The following INTS3 variants were observed in gnomAD, a reference collection of about 807,000 sequenced individuals.
INTS3 encodes the protein SOSS complex subunit A.
In INTS3, 34 loss-of-function variants were observed where a neutral mutation model predicts 146.3. The observed-to-expected ratio is 0.23, with a 90% CI of 0.18 to 0.31. The LOEUF (loss-of-function observed/expected upper bound fraction) is 0.31, where lower values mean the gene tolerates loss of function less well. Ranked by LOEUF, INTS3 falls within the 10% of genes least tolerant of loss-of-function variation. INTS3 has a pLI of 1.00. For missense variants in INTS3, 757 were observed against 1,304.2 expected, an observed-to-expected ratio of 0.58 and a Z score of 6.46; for synonymous variants, 475 against 494.9, an observed-to-expected ratio of 0.96 and a Z score of 0.53.
chr1:153,743,033 A>C (rs1671597702), intron 3 of INTS3, among the ~76,000 whole-genome samples: 1 of 152,226 alleles, frequency 6.6e-6, no homozygotes, highest in Admixed American at 6.5e-5. Flanking sequence ...TAGGCGGGTG[A>C]GGAACTATCA....
At chr1:153,729,596 G>C (rs1255091093) in intron 1 of INTS3, among the ~76,000 whole-genome samples, 1 of 152,130 alleles carries the variant, frequency 6.6e-6, no homozygotes, top group African/African-American at 2.4e-5. Flanking sequence ...GGCTGGGTGC[G>C]GTGGCTCACG....
intron 10 of INTS3, among the ~76,000 whole-genome samples, chr1:153,758,414 C>T (rs1044627461): frequency 1.5e-4 from 23 of 152,190 alleles, no homozygotes; most frequent in African/African-American, 4.3e-4. Context: ...CCAAGGGGTG[C>T]TAGTCTGACT....
At chr1:153,750,168 G>A (rs902214104) in intron 6 of INTS3, among the ~76,000 whole-genome samples, 9 of 152,232 alleles carry the variant, frequency 5.9e-5, no homozygotes, top group Admixed American at 4.6e-4. Flanking sequence ...CCGGAATCAG[G>A]ATGTGGCCTG....
At chr1:153,751,356 G>A in intron 7 of INTS3, 117 bp downstream of exon 7, 1 of 1,021,186 alleles carries the variant, frequency 9.8e-7, no homozygotes. Context: ...ATCAAGATCT[G>A]GTGTTTTCCA....
intron 13 of INTS3, 134 bp downstream of exon 13, chr1:153,761,052 T>C: frequency 6.8e-7 from 1 of 1,472,956 alleles, no homozygotes; most frequent in South Asian, 1.4e-5. Context: ...CTCAGACTGC[T>C]GGGCATATGT....
chr1:153,747,587 G>A (rs900651663), intron 5 of INTS3: 14 of 582,488 alleles, frequency 2.4e-5, no homozygotes, highest in Non-Finnish European at 3.7e-5. Flanking sequence ...TTTCTTTCCT[G>A]CTAAACCCAG....
Position 153,773,363 on chromosome 1 carries a change from A to G in INTS3, c.*93A>G. The stretch of plus-strand genomic sequence containing the variant: ...AGAGGCTGAGGAGATTGCAGGGGAA[A>G]CACCCTTGCTGCATCCCCAAGCTCC... On this transcript the variant is annotated 3_prime_UTR_variant, in exon 30 of 30. Coordinates refer to ENST00000318967, the MANE Select transcript of INTS3 (RefSeq NM_023015.5). 1.6e-6 allele frequency: 2 copies of G among 1,214,418 alleles called. No individual in the cohort carries two copies. The highest frequency in any genetic ancestry group is 2.4e-6 in the Non-Finnish European group (2 of 819,332). The allele number at this position is 1,214,418 out of a possible 1,614,324, so 75.2% of individuals were successfully genotyped here.
intron 12 of INTS3, 164 bp from the exon 13 acceptor site, chr1:153,760,663 T>G (rs1672350709): frequency 1.5e-6 from 1 of 660,892 alleles, no homozygotes; most frequent in South Asian, 1.9e-5. Flanking sequence ...CCAGTAAGAA[T>G]TTCTCATTTG....
In INTS3 at chr1:153,764,187, C is replaced by T; in HGVS notation, c.1891C>T (p.Arg631Ter). Residue 631 changes from arginine to a stop codon, truncating the protein, a stop_gained, in exon 18 of 30, where the codon CGA becomes TGA. Transcript: ENST00000318967. LOFTEE classifies it high-confidence loss of function. ...CLQELFKAHF[R>*]GEVLPEEITE... ...ACAGGAGCTCTTCAAGGCCCACTTTCGAGGGGAGGTCCTGCCTGAGGAGAT... is the reference window on the plus strand; with the variant it reads ...ACAGGAGCTCTTCAAGGCCCACTTTTGAGGGGAGGTCCTGCCTGAGGAGAT... 3 of 1,613,896 alleles carry T rather than the reference C, an allele frequency of 1.9e-6. No homozygotes were observed. Among genetic ancestry groups the T allele is most frequent in the Non-Finnish European group, 2.5e-6 (3 of 1,179,844 alleles).
intron 3 of INTS3, among the ~76,000 whole-genome samples, chr1:153,743,885 G>A (rs1671629684): frequency 6.6e-6 from 1 of 151,900 alleles, no homozygotes. Flanking sequence ...CTCCCAGCAG[G>A]CAGCTCTAGA....
rs762041687 is a variant in INTS3, at chr1:153,728,381, C to A, written c.-254C>A. On this transcript the variant is annotated 5_prime_UTR_variant, in exon 1 of 30. Transcript: ENST00000318967. Reference sequence around the variant, plus strand: ...CCCATAGGGACACAGGCCTTTACCCCACTGTACTTCGGAGCCAACGCCTTT... The same window carrying A: ...CCCATAGGGACACAGGCCTTTACCCAACTGTACTTCGGAGCCAACGCCTTT... 2.1e-6 allele frequency: 1 copy of A among 484,730 alleles called. No individual in the cohort carries two copies. The highest frequency in any genetic ancestry group is 3.9e-5 in the Admixed American group (1 of 25,578). 30.0% of individuals were successfully genotyped at this position (484,730 alleles called of 1,614,324 possible). A position where few individuals can be genotyped will look rare whatever the true frequency, so the allele number is the denominator to read the frequency against.
intron 6 of INTS3, chr1:153,750,885 G>A (rs2101802640): frequency 2.1e-6 from 1 of 466,976 alleles, no homozygotes; most frequent in East Asian, 3.3e-5. Flanking sequence ...GCACTTGGAA[G>A]AGAAAATTAG....
At chr1:153,763,177 GTC>G (rs1476042931) in intron 15 of INTS3, 54 bp from the exon 16 acceptor site, 17 of 1,611,150 alleles carry the variant, frequency 1.1e-5, no homozygotes, top group African/African-American at 4.0e-5. Flanking sequence ...TGAGGGGACT[GTC>G]TCTGTTGCTG....
At chr1:153,762,996 C>A in intron 15 of INTS3, 149 bp downstream of exon 15, 1 of 1,158,438 alleles carries the variant, frequency 8.6e-7, no homozygotes, top group Non-Finnish European at 1.2e-6. Context: ...CTCCAGAATG[C>A]AGAGCCCTGT....
rs1672482549 is a variant in INTS3 at position 153,763,950 on chromosome 1, A to G, written c.1821+64A>G. On this transcript the variant is annotated intron_variant, in intron 17 of 29. Coordinates refer to ENST00000318967, the MANE Select transcript of INTS3 (RefSeq NM_023015.5). Reference sequence around the variant, plus strand: ...AGCCTGCTTAGCTTACACGTCTCCCAGGGAAGACAACTCACTTTTTCCCTC... The same window carrying G: ...AGCCTGCTTAGCTTACACGTCTCCCGGGGAAGACAACTCACTTTTTCCCTC... 5 of 1,497,878 alleles carry G rather than the reference A, an allele frequency of 3.3e-6. No individual in the cohort carries two copies. In the South Asian group the frequency reaches 5.7e-5, roughly 17 times the overall value. 92.8% of individuals were successfully genotyped at this position (1,497,878 alleles called of 1,614,324 possible). A position where few individuals can be genotyped will look rare whatever the true frequency, so the allele number is the denominator to read the frequency against.
At position 153,757,651 on chromosome 1, in the gene INTS3, G is replaced by A. The variant is rs1558001898; in HGVS notation, c.1037G>A (p.Arg346His). 1 of 1,614,150 alleles carries A rather than the reference G, an allele frequency of 6.2e-7. No individual in the cohort carries two copies. The highest frequency in any genetic ancestry group is 2.2e-5 in the East Asian group (1 of 44,884). ...TCAACTCCAGATAGTCAGTCTCTGC[G>A]CTGTGACCTCATTCGCTACATCTGT... The part of the protein sequence containing the change: ...YLSTPDSQSL[R>H]CDLIRYICGV... Residue 346 changes from arginine to histidine, a missense_variant, in exon 10 of 30, where the codon CGC (arginine) becomes CAC (histidine). Physicochemically the swap from Arg to His is conservative, Grantham distance 29. Transcript: ENST00000318967. The surrounding 1 kb of genome is among the most constrained non-coding windows in gnomAD (Gnocchi z 4.0).
At chr1:153,767,440 G>A in intron 20 of INTS3, 2 of 435,598 alleles carry the variant, frequency 4.6e-6, no homozygotes, top group Non-Finnish European at 8.2e-6. Flanking sequence ...TTCACTCACT[G>A]ATCGTGGTTG....
In INTS3 at chr1:153,757,788, T is replaced by C; in HGVS notation, c.1149+25T>C. 2 of 1,600,590 alleles carry C rather than the reference T, an allele frequency of 1.2e-6. No homozygotes were observed. Among genetic ancestry groups the C allele is most frequent in the Non-Finnish European group, 1.7e-6 (2 of 1,169,526 alleles). On this transcript the variant is annotated intron_variant, in intron 10 of 29. Transcript: ENST00000318967. The surrounding 1 kb of genome is among the most constrained non-coding windows in gnomAD (Gnocchi z 4.0). ...GGTGAGGGCAAAAGATACTGGGTGG[T>C]GAAGGGTGCCTCTTCCATGGTGTTC...
intron 18 of INTS3, 104 bp downstream of exon 18, chr1:153,764,325 AC>A: frequency 1.3e-6 from 1 of 766,206 alleles, no homozygotes; most frequent in Non-Finnish European, 2.3e-6. Context: ...AAATCTGTTC[AC>A]TTGGTGTTTT....
Sources: allele counts gnomAD v4.1 joint callset (sites outside exome capture counted in the v4.1 genomes callset), GRCh38; gene constraint gnomAD v4.1.1; non-coding constraint Gnocchi (gnomAD v3.1); transcripts MANE v1.5; gene names NCBI Gene and HGNC (gene_info 2026-07-23, HGNC 2026-07-21).